WAC: variants seen among roughly 807,000 people sequenced by gnomAD.
WAC encodes WW domain containing adaptor with coiled-coil.
Under a neutral mutation model 79.6 loss-of-function variants are expected in WAC, and 11 were observed. That is an observed-to-expected ratio of 0.14 (90% confidence interval 0.09 to 0.23). WAC has a LOEUF of 0.23. Ranked by LOEUF, WAC falls within the 10% of genes least tolerant of loss-of-function variation. The pLI is 1.00. For missense variants in WAC, 728 were observed against 773.5 expected, an observed-to-expected ratio of 0.94 and a Z score of 0.70; for synonymous variants, 304 against 276.9, an observed-to-expected ratio of 1.10 and a Z score of -0.97.
chr10:28,584,749 T>C (rs1839725321), intron 4 of WAC, among the ~76,000 whole-genome samples: 1 of 152,212 alleles, frequency 6.6e-6, no homozygotes, highest in Non-Finnish European at 1.5e-5. Context: ...AATTGAGACA[T>C]TAGGATAATA....
chr10:28,551,884 G>A (rs1837699348), intron 3 of WAC, among the ~76,000 whole-genome samples: 1 of 149,872 alleles, frequency 6.7e-6, no homozygotes, highest in Admixed American at 6.7e-5. Context: ...GAGTGCAGTG[G>A]CACGATCTCG....
intron 3 of WAC, among the ~76,000 whole-genome samples, chr10:28,575,090 G>C (rs893704960): frequency 6.6e-6 from 1 of 152,152 alleles, no homozygotes; most frequent in African/African-American, 2.4e-5. Flanking sequence ...AACTAATAGA[G>C]GATATCCTGT....
At chr10:28,604,516 G>C (rs1384426411) in intron 7 of WAC, among the ~76,000 whole-genome samples, 3 of 152,124 alleles carry the variant, frequency 2.0e-5, no homozygotes, top group Non-Finnish European at 2.9e-5. Context: ...CAGATCAGTT[G>C]AGGCCAGGAG....
chr10:28,584,377 T>A (rs751107462), intron 4 of WAC, among the ~76,000 whole-genome samples: 20 of 152,222 alleles, frequency 1.3e-4, no homozygotes, highest in Admixed American at 1.2e-3. Context: ...ACTGCCAGAA[T>A]TTTGACAGTG....
chr10:28,601,729 G>A (rs2132749004), intron 7 of WAC, among the ~76,000 whole-genome samples: 1 of 152,298 alleles, frequency 6.6e-6, no homozygotes, highest in Non-Finnish European at 1.5e-5. Flanking sequence ...CAAAGGGAGT[G>A]AAATTCTGAT....
At chr10:28,590,950 T>A (rs948086357) in intron 6 of WAC, 118 bp downstream of exon 6, 16 of 859,354 alleles carry the variant, frequency 1.9e-5, no homozygotes, top group Non-Finnish European at 1.8e-6. Flanking sequence ...CATACGGAGA[T>A]TCTTTTATGT....
intron 7 of WAC, among the ~76,000 whole-genome samples, chr10:28,600,844 A>G (rs1840606669): frequency 6.6e-6 from 1 of 152,168 alleles, no homozygotes. Context: ...ATAAAAAGAT[A>G]CATACAAAGC....
chr10:28,542,006 A>T (rs1274922027), intron 3 of WAC, among the ~76,000 whole-genome samples: 1 of 152,142 alleles, frequency 6.6e-6, no homozygotes, highest in East Asian at 1.9e-4. Context: ...AGCAAATCTT[A>T]TAATAGATCC....
chr10:28,615,972 A>G, intron 11 of WAC: 1 of 454,902 alleles, frequency 2.2e-6, no homozygotes, highest in Non-Finnish European at 3.9e-6. Flanking sequence ...GTAGTGTTAA[A>G]AGGGTTTTTT....
chr10:28,607,254 A>C (rs1841004632), intron 7 of WAC, among the ~76,000 whole-genome samples: 1 of 152,176 alleles, frequency 6.6e-6, no homozygotes, highest in Non-Finnish European at 1.5e-5. Flanking sequence ...AAAGACTTAA[A>C]TACCTACACA....
intron 5 of WAC, 87 bp from the exon 6 acceptor site, chr10:28,590,633 T>C: frequency 9.4e-7 from 1 of 1,066,072 alleles, no homozygotes; most frequent in Non-Finnish European, 1.4e-6. Context: ...GTATACCATT[T>C]GTTAGGCATT....
intron 3 of WAC, among the ~76,000 whole-genome samples, chr10:28,562,144 C>G (rs975770597): frequency 1.3e-5 from 2 of 152,104 alleles, no homozygotes; most frequent in Admixed American, 6.5e-5. Context: ...TGCAACTTTG[C>G]CTCCTGAGTT....
At chr10:28,616,418 A>G (rs1564422592) in intron 12 of WAC, 56 bp downstream of exon 12, 1 of 1,356,534 alleles carries the variant, frequency 7.4e-7, no homozygotes, top group Admixed American at 2.6e-5. Context: ...ACAGAATTTA[A>G]TCAACTTCTA....
At chr10:28,563,744 CTTTTTTTTTTTTTTTT>C (rs71281550) in intron 3 of WAC, among the ~76,000 whole-genome samples, 13 of 67,938 alleles carry the variant, frequency 1.9e-4, no homozygotes, top group African/African-American at 2.9e-4. Context: ...CTACACCCAG[CTTTTTTTTTTTTTTTT>C]TTTTTTTTTT....
chr10:28,535,513 T>A (rs1836596744), intron 2 of WAC, 49 bp from the exon 3 acceptor site: 2 of 1,513,048 alleles, frequency 1.3e-6, no homozygotes, highest in Admixed American at 2.1e-5. Flanking sequence ...TTAGGGAGTT[T>A]AAGGTTTCAA....
chr10:28,589,546 A>C (rs561247193), intron 4 of WAC, 190 bp from the exon 5 acceptor site: 134 of 326,650 alleles, frequency 4.1e-4, no homozygotes, highest in South Asian at 3.2e-3. Flanking sequence ...TTGATATTTT[A>C]TAAAGTTCTG....
At position 28,595,927 on chromosome 10, in the gene WAC, A is replaced by C. The variant is rs1426494381; in HGVS notation, c.805A>C (p.Thr269Pro). 1 of 1,614,044 alleles carries C rather than the reference A, an allele frequency of 6.2e-7. No homozygotes were observed. The highest frequency in any genetic ancestry group is 1.3e-5 in the African/African-American group (1 of 74,922). ...AAGCACTGTTCCTTCTAGTCCATTT[A>C]CGCTACAGTCTGATCACCAGCCAAA... is the stretch of plus-strand genomic sequence containing the variant. ...TPSTVPSSPF[T>P]LQSDHQPKKS... is the part of the protein sequence containing the mutation. The change falls in exon 7 of 14, where the codon ACG (threonine) becomes CCG (proline). Residue 269 changes from threonine (T) to proline (P), a missense_variant. Thr to Pro is a conservative substitution (Grantham distance 38, BLOSUM62 -1). Coordinates refer to ENST00000354911, the MANE Select transcript of WAC (RefSeq NM_016628.5).
At chr10:28,551,640 A>C (rs917617900) in intron 3 of WAC, among the ~76,000 whole-genome samples, 1 of 152,172 alleles carries the variant, frequency 6.6e-6, no homozygotes, top group Non-Finnish European at 1.5e-5. Flanking sequence ...AATTGTTTTT[A>C]ATGGTTAAAC....
chr10:28,533,749 G>A (rs1284786956), intron 1 of WAC, 129 bp downstream of exon 1: 1 of 1,129,098 alleles, frequency 8.9e-7, no homozygotes, highest in Non-Finnish European at 1.2e-6. Flanking sequence ...GGTTGGGGAG[G>A]AGGAGCGGCC....
Sources: gnomAD v4.1 joint callset for allele counts (sites outside exome capture counted in the v4.1 genomes callset) on GRCh38, gnomAD v4.1.1 for gene constraint, MANE v1.5 for transcripts, NCBI Gene and HGNC (gene_info 2026-07-23, HGNC 2026-07-21) for gene names.